The following MCTP1 variants were observed in gnomAD, a reference collection of about 807,000 sequenced individuals.
The protein encoded by MCTP1 is multiple C2 and transmembrane domain containing 1.
MCTP1 carries 69 observed loss-of-function variants against 120.6 expected under a neutral mutation model. That is an observed-to-expected ratio of 0.57 (90% CI 0.47 to 0.70). The LOEUF (loss-of-function observed/expected upper bound fraction) is 0.70, where lower values mean the gene tolerates loss of function less well. MCTP1 is among the 30% of genes least tolerant of loss of function. The probability of loss-of-function intolerance (pLI) is 0.00; values close to 1 mark genes in which losing one functional copy is unlikely to be tolerated. For missense variants in MCTP1, 1,203 were observed against 1,248.8 expected, an observed-to-expected ratio of 0.96 and a Z score of 0.55; for synonymous variants, 529 against 493.1, an observed-to-expected ratio of 1.07 and a Z score of -0.96.
chr5:94,812,111 T>G (rs918941147), intron 17 of MCTP1, among the ~76,000 whole-genome samples: 1 of 152,192 alleles, frequency 6.6e-6, no homozygotes, highest in Non-Finnish European at 1.5e-5. Context: ...AATGATTTAC[T>G]GTGATCAATT....
At chr5:94,955,311 C>G (rs1244537190) in intron 2 of MCTP1, among the ~76,000 whole-genome samples, 1 of 152,176 alleles carries the variant, frequency 6.6e-6, no homozygotes. Flanking sequence ...GTCACAAGGC[C>G]TCTGGTTTCA....
chr5:95,218,185 A>G (rs543385272), intron 1 of MCTP1, among the ~76,000 whole-genome samples: 1 of 152,324 alleles, frequency 6.6e-6, no homozygotes, highest in East Asian at 1.9e-4. Context: ...ATGAGATAAG[A>G]GCTGGGATGA....
chr5:94,707,243 AGT>A lies in MCTP1; in HGVS notation c.*251_*252del, dbSNP rs1297361182. 3 of 356,574 alleles carry A rather than the reference AGT, an allele frequency of 8.4e-6. No homozygotes were observed. The highest frequency in any genetic ancestry group is 1.5e-5 in the Non-Finnish European group (3 of 198,866). 22.1% of individuals were successfully genotyped at this position (356,574 alleles called of 1,614,324 possible). On this transcript the variant is annotated 3_prime_UTR_variant, in exon 23 of 23. Transcript: ENST00000515393. ...TTATCATTCTTATATTTGTTCTTTC[AGT>A]GTGTTATATTATTATCCACAGCTAA...
At chr5:94,747,458 A>C (rs559370678) in intron 19 of MCTP1, among the ~76,000 whole-genome samples, 1 of 152,290 alleles carries the variant, frequency 6.6e-6, no homozygotes, top group South Asian at 2.1e-4. Context: ...CTAAATAGTA[A>C]ATATTTTAGG....
At chr5:95,025,144 A>G (rs2153683000) in intron 1 of MCTP1, among the ~76,000 whole-genome samples, 1 of 152,346 alleles carries the variant, frequency 6.6e-6, no homozygotes, top group East Asian at 1.9e-4. Context: ...AGCTAGAGGC[A>G]TCACACTATC....
intron 18 of MCTP1, chr5:94,789,723 A>G (rs1385393546): frequency 2.6e-5 from 4 of 152,164 alleles, no homozygotes; most frequent in African/African-American, 7.2e-5. Flanking sequence ...CACTGCACCT[A>G]TTATATTCAT....
At chr5:95,165,006 ACTT>A (rs953451370) in intron 1 of MCTP1, among the ~76,000 whole-genome samples, 11 of 152,130 alleles carry the variant, frequency 7.2e-5, no homozygotes, top group Non-Finnish European at 1.5e-4. Flanking sequence ...AGGCACACCC[ACTT>A]CTTAACTGTG....
intron 1 of MCTP1, among the ~76,000 whole-genome samples, chr5:95,061,594 C>A (rs529708076): frequency 7.4e-4 from 112 of 150,906 alleles, no homozygotes; most frequent in African/African-American, 2.4e-3. Context: ...CGCCACTACG[C>A]CCGGCTAATT....
chr5:95,076,710 T>C (rs966040725), intron 1 of MCTP1, among the ~76,000 whole-genome samples: 1 of 152,234 alleles, frequency 6.6e-6, no homozygotes, highest in East Asian at 1.9e-4. Context: ...ACAACGCATC[T>C]GTACATAAAG....
intron 1 of MCTP1, among the ~76,000 whole-genome samples, chr5:95,130,359 G>A (rs563012064): frequency 8.5e-5 from 13 of 152,284 alleles, no homozygotes; most frequent in Middle Eastern, 3.4e-3. Context: ...GCAAAGCACT[G>A]GTGCTTCGTT....
chr5:95,230,203 TAC>T (rs1038120698), intron 1 of MCTP1, among the ~76,000 whole-genome samples: 1 of 148,118 alleles, frequency 6.8e-6, no homozygotes, highest in African/African-American at 2.5e-5. Context: ...TGTATATATA[TAC>T]ACACACATAT....
At chr5:94,756,016 T>A (rs1769757106) in intron 19 of MCTP1, among the ~76,000 whole-genome samples, 2 of 152,206 alleles carry the variant, frequency 1.3e-5, no homozygotes, top group African/African-American at 4.8e-5. Context: ...ACTTGACAAT[T>A]TTCCTGGGCA....
intron 17 of MCTP1, among the ~76,000 whole-genome samples, chr5:94,799,342 A>C (rs1211808299): frequency 6.6e-6 from 1 of 152,174 alleles, no homozygotes; most frequent in African/African-American, 2.4e-5. Flanking sequence ...CAATCTGTTT[A>C]ATTTCTATGA....
rs1397239160 is a variant in MCTP1, at chr5:94,894,824, T to G, written c.1664A>C (p.Asp555Ala). The change falls in exon 11 of 23, where the codon GAC becomes GCC. Residue 555 changes from aspartate to alanine, a missense_variant. This residue lies in a region of MCTP1 where 740 missense variants were observed against 871.1 expected (regional missense o/e 0.85). Transcript: ENST00000515393. ...CTGTTCCCTACTGAGGGCTGACAGGTCGACCTGGCACCTAGAGACAAATGT... is the reference window on the plus strand; with the variant it reads ...CTGTTCCCTACTGAGGGCTGACAGGGCGACCTGGCACCTAGAGACAAATGT... ...RDDFIGRCQV[D>A]LSALSREQTH... 4 of 1,581,716 alleles carry G rather than the reference T, an allele frequency of 2.5e-6. No individual in the cohort carries two copies. Among genetic ancestry groups the G allele is most frequent in the Non-Finnish European group, 3.5e-6 (4 of 1,158,014 alleles).
chr5:94,844,358 C>T (rs1381220561), intron 17 of MCTP1, among the ~76,000 whole-genome samples: 2 of 151,164 alleles, frequency 1.3e-5, no homozygotes, highest in South Asian at 4.2e-4. Context: ...AGCCACCCTC[C>T]TCTTATATTT....
chr5:95,145,766 T>G (rs1258035033), intron 1 of MCTP1, among the ~76,000 whole-genome samples: 1 of 152,234 alleles, frequency 6.6e-6, no homozygotes, highest in Non-Finnish European at 1.5e-5. Context: ...AATTAACTTT[T>G]GATATGCTGC....
chr5:95,022,485 A>G (rs566090402), intron 1 of MCTP1, among the ~76,000 whole-genome samples: 1 of 152,226 alleles, frequency 6.6e-6, no homozygotes, highest in Admixed American at 6.5e-5. Flanking sequence ...CTCAAATGTC[A>G]TATTTGTCAT....
intron 1 of MCTP1, among the ~76,000 whole-genome samples, chr5:95,073,111 C>T (rs1235967432): frequency 3.9e-5 from 6 of 152,158 alleles, no homozygotes; most frequent in Admixed American, 3.9e-4. Context: ...CACACTAGCC[C>T]ATGGTCACAA....
At chr5:95,136,913 C>A (rs1562172372) in intron 1 of MCTP1, among the ~76,000 whole-genome samples, 1 of 152,176 alleles carries the variant, frequency 6.6e-6, no homozygotes, top group Non-Finnish European at 1.5e-5. Context: ...ATTTCCTGAT[C>A]AATTTCATCA....
Sources: allele counts gnomAD v4.1 joint callset (sites outside exome capture counted in the v4.1 genomes callset), GRCh38; gene constraint gnomAD v4.1.1; regional missense constraint gnomAD v4.1.1; transcripts MANE v1.5; gene names NCBI Gene and HGNC (gene_info 2026-07-23, HGNC 2026-07-21).